Variants in ENTREP2 observed in about 807,000 individuals in gnomAD.
The protein encoded by ENTREP2 is protein ENTREP2.
the ENTREP2 span, among the ~76,000 whole-genome samples, chr15:29,146,529 A>C: frequency 6.6e-6 from 1 of 152,226 alleles, no homozygotes; most frequent in African/African-American, 2.4e-5. Context: ...GACTAATGTT[A>C]CCAAGACCAT....
chr15:29,317,350 A>C, the ENTREP2 span, among the ~76,000 whole-genome samples: 6 of 152,252 alleles, frequency 3.9e-5, no homozygotes, highest in African/African-American at 1.2e-4. Flanking sequence ...ACACACAGTA[A>C]TCAGATTAGG....
chr15:29,270,669 C>T, the ENTREP2 span, among the ~76,000 whole-genome samples: 1 of 152,116 alleles, frequency 6.6e-6, no homozygotes, highest in Non-Finnish European at 1.5e-5. Context: ...AAAGAGAACA[C>T]TGGGGGATTT....
chr15:29,423,944 T>C, the ENTREP2 span, among the ~76,000 whole-genome samples: 3 of 152,354 alleles, frequency 2.0e-5, no homozygotes, highest in South Asian at 2.1e-4. Context: ...GCTTACATTG[T>C]GTCCGCAATT....
chr15:29,525,521 CTG>C, the ENTREP2 span, among the ~76,000 whole-genome samples: 2 of 152,194 alleles, frequency 1.3e-5, no homozygotes, highest in Admixed American at 1.3e-4. Flanking sequence ...GAGTAACAAA[CTG>C]TGGTGTAGCC....
the ENTREP2 span, among the ~76,000 whole-genome samples, chr15:29,305,757 T>C: frequency 1.3e-5 from 2 of 152,252 alleles, no homozygotes; most frequent in Admixed American, 6.5e-5. Flanking sequence ...CAGACATCCA[T>C]ATGGAGGTGC....
chr15:29,478,019 A>ATATTTTTTTTTT, the ENTREP2 span, among the ~76,000 whole-genome samples: 3 of 54,286 alleles, frequency 5.5e-5, no homozygotes, highest in Admixed American at 3.0e-4. Context: ...ATATATATAT[A>ATATTTTTTTTTT]TTTTTTTTTT....
the ENTREP2 span, among the ~76,000 whole-genome samples, chr15:29,183,262 G>A: frequency 2.6e-5 from 4 of 152,192 alleles, no homozygotes; most frequent in Admixed American, 2.6e-4. Context: ...GAAAAAACCA[G>A]GGAGTTAGCA....
chr15:29,579,933 A>G, the ENTREP2 span, among the ~76,000 whole-genome samples: 1 of 151,614 alleles, frequency 6.6e-6, no homozygotes, highest in Non-Finnish European at 1.5e-5. Flanking sequence ...GATGGTCTCA[A>G]TCTCCTGACC....
chr15:29,584,974 A>C, the ENTREP2 span, among the ~76,000 whole-genome samples: 1 of 148,142 alleles, frequency 6.8e-6, no homozygotes, highest in South Asian at 2.2e-4. Context: ...GGAAAAATAT[A>C]AACAGTAAAC....
the ENTREP2 span, among the ~76,000 whole-genome samples, chr15:29,645,689 G>C: frequency 6.6e-6 from 1 of 152,000 alleles, no homozygotes; most frequent in Admixed American, 6.6e-5. Flanking sequence ...TTCCCAAGTA[G>C]CTGGGACTAC....
the ENTREP2 span, chr15:29,269,720 G>A: frequency 1.3e-6 from 2 of 1,506,532 alleles, no homozygotes; most frequent in South Asian, 1.3e-5. Flanking sequence ...CCGGCGGCAG[G>A]TGCCGGCGCA....
the ENTREP2 span, among the ~76,000 whole-genome samples, chr15:29,170,252 G>C: frequency 3.5e-5 from 5 of 144,028 alleles, no homozygotes; most frequent in Non-Finnish European, 6.0e-5. Context: ...AGCTTGCAGT[G>C]AGCTGAGATC....
chr15:29,492,760 T>C, the ENTREP2 span, among the ~76,000 whole-genome samples: 14 of 152,110 alleles, frequency 9.2e-5, no homozygotes, highest in African/African-American at 3.4e-4. Flanking sequence ...TCCCAGCACT[T>C]TGGGAGGCCA....
At chr15:29,378,239 A>C in the ENTREP2 span, among the ~76,000 whole-genome samples, 2 of 150,770 alleles carry the variant, frequency 1.3e-5, no homozygotes, top group African/African-American at 4.9e-5. Flanking sequence ...AGGAAAACCT[A>C]CTCTTGCCAG....
the ENTREP2 span, among the ~76,000 whole-genome samples, chr15:29,240,588 G>T: frequency 6.6e-6 from 1 of 152,020 alleles, no homozygotes; most frequent in Non-Finnish European, 1.5e-5. Context: ...GCAGCAAAAA[G>T]GCCCAGGCTA....
chr15:29,570,771 G>GCGC, the ENTREP2 span: 666,667 of 668,972 alleles, frequency 1, 332,185 homozygotes, highest in Admixed American at 1. Flanking sequence ...GGCCCGGCGC[G>GCGC]CGCCGCCGCC....
chr15:29,414,449 A>G, the ENTREP2 span, among the ~76,000 whole-genome samples: 6 of 152,312 alleles, frequency 3.9e-5, no homozygotes, highest in South Asian at 2.1e-4. Context: ...CTTTGAAACC[A>G]ACGAGAACAA....
At chr15:29,297,521 G>A in the ENTREP2 span, among the ~76,000 whole-genome samples, 1 of 152,202 alleles carries the variant, frequency 6.6e-6, no homozygotes, top group African/African-American at 2.4e-5. Flanking sequence ...TGAGGAAATT[G>A]TAGAATTAGA....
At chr15:29,218,513 G>C in the ENTREP2 span, among the ~76,000 whole-genome samples, 2 of 152,104 alleles carry the variant, frequency 1.3e-5, no homozygotes, top group African/African-American at 4.8e-5. Context: ...GCCAAAGCAA[G>C]ACTAAGCAAA....
Sources: allele counts gnomAD v4.1 joint callset (sites outside exome capture counted in the v4.1 genomes callset), GRCh38; gene constraint gnomAD v4.1.1; transcripts MANE v1.5; gene names NCBI Gene and HGNC (gene_info 2026-07-23, HGNC 2026-07-21).